Variants in LYPD6B observed in about 807,000 individuals in gnomAD.
LYPD6B encodes the protein LY6/PLAUR domain containing 6B.
LYPD6B carries 17 observed loss-of-function variants against 22.8 expected under a neutral mutation model. The ratio of observed to expected loss-of-function variants is 0.75; its 90% confidence interval spans 0.51 to 1.12. The LOEUF is 1.12. Ranked by LOEUF, LYPD6B falls within the 50% of genes most tolerant of loss-of-function variation. The pLI is 0.00. For missense variants in LYPD6B, 221 were observed against 258.3 expected, an observed-to-expected ratio of 0.86 and a Z score of 0.99; for synonymous variants, 106 against 91.6, an observed-to-expected ratio of 1.16 and a Z score of -0.90.
At chr2:149,201,310 A>C (rs1413446983) in intron 3 of LYPD6B, among the ~76,000 whole-genome samples, 1 of 152,158 alleles carries the variant, frequency 6.6e-6, no homozygotes, top group African/African-American at 2.4e-5. Flanking sequence ...ACACTGCTCT[A>C]TGTGATGGCT....
At chr2:149,186,580 G>A (rs116582928) in intron 3 of LYPD6B, among the ~76,000 whole-genome samples, 1 of 152,184 alleles carries the variant, frequency 6.6e-6, no homozygotes, top group Non-Finnish European at 1.5e-5. Flanking sequence ...GATGAAGGTA[G>A]TTACACTAAA....
At chr2:149,168,039 A>G (rs567099859) in intron 3 of LYPD6B, among the ~76,000 whole-genome samples, 24 of 151,792 alleles carry the variant, frequency 1.6e-4, no homozygotes, top group Admixed American at 9.2e-4. Context: ...TCAAAACCCA[A>G]TCTCTACAAG....
At chr2:149,141,737 T>C (rs1187299469) in intron 2 of LYPD6B, among the ~76,000 whole-genome samples, 1 of 152,206 alleles carries the variant, frequency 6.6e-6, no homozygotes, top group Non-Finnish European at 1.5e-5. Context: ...AACAAAGTAA[T>C]ACAAGCCGGA....
intron 1 of LYPD6B, among the ~76,000 whole-genome samples, chr2:149,112,644 T>G (rs1229082430): frequency 6.6e-6 from 1 of 152,182 alleles, no homozygotes; most frequent in Non-Finnish European, 1.5e-5. Flanking sequence ...CATTAATGGT[T>G]AGTATGAGGT....
At chr2:149,087,303 A>G (rs1457133725) in intron 1 of LYPD6B, among the ~76,000 whole-genome samples, 3 of 152,192 alleles carry the variant, frequency 2.0e-5, no homozygotes, top group Non-Finnish European at 4.4e-5. Context: ...GTCATCTATA[A>G]TAATTGAGTT....
intron 2 of LYPD6B, among the ~76,000 whole-genome samples, chr2:149,152,723 T>C (rs1397449226): frequency 6.6e-6 from 1 of 152,204 alleles, no homozygotes; most frequent in Non-Finnish European, 1.5e-5. Flanking sequence ...TGTCATTCAG[T>C]ATGGAAATTG....
chr2:149,208,281 G>A (rs1559080248), intron 4 of LYPD6B, 33 bp from the exon 5 acceptor site: 2 of 1,561,088 alleles, frequency 1.3e-6, no homozygotes, highest in Middle Eastern at 1.7e-4. Flanking sequence ...GTCTTCTGTA[G>A]CTTACTGTTT....
intron 1 of LYPD6B, among the ~76,000 whole-genome samples, chr2:149,106,109 T>A (rs1686456912): frequency 6.6e-6 from 1 of 152,160 alleles, no homozygotes; most frequent in Non-Finnish European, 1.5e-5. Context: ...TTTTCATGAA[T>A]TTTAAACCAA....
Position 149,144,634 on chromosome 2 carries a change from C to T in LYPD6B, c.5+13681C>T, listed in dbSNP as rs182320168. 2.1e-3 allele frequency among the ~76,000 whole-genome samples: 315 copies of T among 152,188 alleles called. 1 individual carries two copies. The highest frequency in any genetic ancestry group is 7.3e-3 in the African/African-American group (302 of 41,510). ...TTTGAACTCCTGGGCTCAAGTCATC[C>T]GCCCACCTCAGCCTCCCAAAGTGCT... On this transcript the variant is annotated intron_variant, in intron 2 of 6. Coordinates refer to ENST00000409642, the MANE Select transcript of LYPD6B (RefSeq NM_177964.5).
At chr2:149,148,536 T>C (rs1297720012) in intron 2 of LYPD6B, among the ~76,000 whole-genome samples, 1 of 152,218 alleles carries the variant, frequency 6.6e-6, no homozygotes, top group Non-Finnish European at 1.5e-5. Context: ...CTCTGAACCA[T>C]CTCCTTAGAG....
At chr2:149,176,082 C>A (rs2105958694) in intron 3 of LYPD6B, among the ~76,000 whole-genome samples, 1 of 152,278 alleles carries the variant, frequency 6.6e-6, no homozygotes, top group Admixed American at 6.5e-5. Flanking sequence ...TGTGCTATAG[C>A]TTTATACAAC....
intron 1 of LYPD6B, 44 bp from the exon 2 acceptor site, chr2:149,130,839 A>G (rs1362983862): frequency 1.3e-5 from 11 of 839,006 alleles, no homozygotes; most frequent in Non-Finnish European, 1.6e-5. Context: ...CCAAATGTCT[A>G]TAATATCAGT....
intron 1 of LYPD6B, among the ~76,000 whole-genome samples, chr2:149,056,871 C>T (rs1466543669): frequency 2.0e-5 from 3 of 152,298 alleles, no homozygotes; most frequent in East Asian, 1.9e-4. Flanking sequence ...AAGGAGGGTA[C>T]GTTATCCGAC....
intron 1 of LYPD6B, among the ~76,000 whole-genome samples, chr2:149,054,897 TA>T (rs1683719888): frequency 6.6e-6 from 1 of 151,932 alleles, no homozygotes; most frequent in Non-Finnish European, 1.5e-5. Flanking sequence ...AAAAAGTTTT[TA>T]GTTTCGATGA....
chr2:149,072,805 A>G (rs1684684902), intron 1 of LYPD6B, among the ~76,000 whole-genome samples: 2 of 152,020 alleles, frequency 1.3e-5, no homozygotes, highest in Non-Finnish European at 2.9e-5. Context: ...CCAAAGGGCT[A>G]GGATTACAGG....
At chr2:149,155,761 G>A (rs1210876928) in intron 2 of LYPD6B, among the ~76,000 whole-genome samples, 1 of 152,182 alleles carries the variant, frequency 6.6e-6, no homozygotes, top group East Asian at 1.9e-4. Flanking sequence ...TGGGAGTCAG[G>A]CCTAATGCCT....
intron 2 of LYPD6B, among the ~76,000 whole-genome samples, chr2:149,137,527 T>G (rs979546881): frequency 6.6e-6 from 1 of 152,220 alleles, no homozygotes; most frequent in African/African-American, 2.4e-5. Flanking sequence ...GAATATAAAT[T>G]CAACAAGAGC....
rs1367731833 is a variant in LYPD6B, at chr2:149,215,016, G to A, written c.*306G>A. 6.0e-6 allele frequency: 2 copies of A among 335,994 alleles called. No individual in the cohort carries two copies. The highest frequency in any genetic ancestry group is 5.5e-6 in the Non-Finnish European group (1 of 181,080). 20.8% of individuals were successfully genotyped at this position (335,994 alleles called of 1,614,324 possible). A position where few individuals can be genotyped will look rare whatever the true frequency, so the allele number is the denominator to read the frequency against. ...CTAGTCCCACCTGACTAGGCCTTTA[G>A]CTGAAAGGATTTCTTGACCTCCTTG... On this transcript the variant is annotated 3_prime_UTR_variant, in exon 7 of 7. Coordinates refer to ENST00000409642, the MANE Select transcript of LYPD6B (RefSeq NM_177964.5).
intron 1 of LYPD6B, among the ~76,000 whole-genome samples, chr2:149,076,252 G>C (rs1278441109): frequency 6.6e-6 from 1 of 152,166 alleles, no homozygotes; most frequent in Admixed American, 6.5e-5. Context: ...TTATATAGCA[G>C]CCTGGACAGA....
Sources: gnomAD v4.1 joint callset for allele counts (sites outside exome capture counted in the v4.1 genomes callset) on GRCh38, gnomAD v4.1.1 for gene constraint, MANE v1.5 for transcripts, NCBI Gene and HGNC (gene_info 2026-07-23, HGNC 2026-07-21) for gene names.